Variants in KDM2B observed in about 807,000 individuals in gnomAD.
KDM2B encodes the protein lysine demethylase 2B.
A neutral mutation model predicts 150.0 loss-of-function variants in KDM2B; 26 were observed. That is an observed-to-expected ratio of 0.17 (90% CI 0.13 to 0.24). KDM2B has a LOEUF of 0.24. Among genes scored for constraint, KDM2B ranks in the 10% least tolerant of loss-of-function variants. KDM2B has a pLI of 1.00. For synonymous variants in KDM2B, 734 were observed against 729.5 expected (o/e 1.01, Z -0.10); for missense variants, 1,265 against 1,816.9 (o/e 0.70, Z 5.52).
intron 12 of KDM2B, among the ~76,000 whole-genome samples, chr12:121,458,864 G>A (rs1878688945): frequency 6.6e-6 from 1 of 151,966 alleles, no homozygotes; most frequent in Admixed American, 6.6e-5. Flanking sequence ...AAGGTGGGCA[G>A]ATCACAAGAT....
the KDM2B span, among the ~76,000 whole-genome samples, chr12:121,411,318 GT>G: frequency 6.6e-6 from 1 of 151,968 alleles, no homozygotes; most frequent in Non-Finnish European, 1.5e-5. Context: ...TCCCTTCCTT[GT>G]ATAGAAACGT....
rs1437715676 is a variant in KDM2B, at chr12:121,432,462, A to ACTC, written c.3830-1996_3830-1994dup. The stretch of plus-strand genomic sequence containing the variant: ...TGACATGTTGACCAGTTAGATTTGA[A>ACTC]CTCCTGGTCTCAAGTGATCCTCCCC... On this transcript the variant is annotated intron_variant, in intron 22 of 22. Transcript: ENST00000377071. Among the ~76,000 whole-genome samples, 10 of 152,028 alleles carry ACTC rather than the reference A, an allele frequency of 6.6e-5. No individual in the cohort carries two copies. The East Asian group carries it at 1.9e-3, about 29-fold the overall frequency.
intron 12 of KDM2B, among the ~76,000 whole-genome samples, chr12:121,488,104 C>G (rs1882970031): frequency 1.3e-5 from 2 of 152,110 alleles, no homozygotes; most frequent in South Asian, 4.1e-4. Flanking sequence ...TTAAATCAGT[C>G]CCCACTCCCA....
chr12:121,490,474 C>T (rs1181851613), intron 12 of KDM2B, among the ~76,000 whole-genome samples: 7 of 152,180 alleles, frequency 4.6e-5, no homozygotes, highest in Non-Finnish European at 8.8e-5. Flanking sequence ...CTGGGTCCTC[C>T]GTCCTTCCTC....
At chr12:121,501,917 A>T (rs1201334699) in intron 11 of KDM2B, among the ~76,000 whole-genome samples, 1 of 152,008 alleles carries the variant, frequency 6.6e-6, no homozygotes, top group Non-Finnish European at 1.5e-5. Context: ...CACCGTGCCT[A>T]GCCGAGAGTG....
Position 121,509,696 on chromosome 12 carries a change from CCA to C in KDM2B, c.1516_1517del (p.Trp506AspfsTer5). On this transcript the variant is annotated frameshift_variant, in exon 11 of 23. Transcript: ENST00000377071. LOFTEE classifies it high-confidence loss of function. Reference sequence around the variant, plus strand: ...TCAGTTCAAACTCAGTGAGATGGGTCCATTTGGCAGAGACCTCCGTGGCGGGA... The same window carrying C: ...TCAGTTCAAACTCAGTGAGATGGGTCTTTGGCAGAGACCTCCGTGGCGGGA... ...GSPATEVSAK[W>X]THLTEFELKG... 6.2e-7 allele frequency: 1 copy of C among 1,614,096 alleles called. No homozygotes were observed. Among genetic ancestry groups the C allele is most frequent in the Non-Finnish European group, 8.5e-7 (1 of 1,180,038 alleles).
At position 121,520,929 on chromosome 12, in the gene KDM2B, A is replaced by G. The variant is rs1594036320; in HGVS notation, c.1047+56T>C. ...GTATGACCTGTCCCACACACCGAGC[A>G]CCGGCAGAGCTCAGGGGCCAGGCGC... On this transcript the variant is annotated intron_variant, in intron 9 of 22. Transcript: ENST00000377071. The surrounding 1 kb of genome is among the most constrained non-coding windows in gnomAD (Gnocchi z 4.5). 7.6e-7 allele frequency: 1 copy of G among 1,315,764 alleles called. No homozygotes were observed. Among genetic ancestry groups the G allele is most frequent in the East Asian group, 2.4e-5 (1 of 41,308 alleles). 81.5% of individuals were successfully genotyped at this position (1,315,764 alleles called of 1,614,324 possible).
intron 12 of KDM2B, among the ~76,000 whole-genome samples, chr12:121,457,046 C>G (rs1448922972): frequency 2.6e-5 from 4 of 152,118 alleles, no homozygotes; most frequent in African/African-American, 9.7e-5. Context: ...TAAGACAGAC[C>G]TCGGAGGCCT....
chr12:121,488,690 C>T (rs971396434), intron 12 of KDM2B, among the ~76,000 whole-genome samples: 7 of 150,828 alleles, frequency 4.6e-5, no homozygotes, highest in Admixed American at 4.6e-4. Flanking sequence ...GGCATGATCT[C>T]AGCTCACTGA....
intron 12 of KDM2B, among the ~76,000 whole-genome samples, chr12:121,488,452 G>A (rs1883006912): frequency 6.6e-6 from 1 of 152,154 alleles, no homozygotes; most frequent in South Asian, 2.1e-4. Context: ...GAAAGGCGCT[G>A]TTAGCACCTT....
chr12:121,510,908 A>G (rs1885528431), intron 10 of KDM2B, among the ~76,000 whole-genome samples: 1 of 152,028 alleles, frequency 6.6e-6, no homozygotes, highest in African/African-American at 2.4e-5. Flanking sequence ...GGACATCTAT[A>G]GGGACAGAAA....
chr12:121,444,276 G>T lies in KDM2B; in HGVS notation c.2191-4C>A. The T allele has an allele frequency of 6.2e-7, 1 of 1,613,520 alleles. No homozygotes were observed. Among genetic ancestry groups the T allele is most frequent in the Non-Finnish European group, 8.5e-7 (1 of 1,179,806 alleles). ...TAAAGCCAGGGCCACGCTTTTGCTT[G>T]TAGGCCAAAAAGAGAGAATGAACAG... is the stretch of plus-strand genomic sequence containing the variant. On this transcript the variant is annotated splice_polypyrimidine_tract_variant and splice_region_variant and intron_variant, in intron 15 of 22. Coordinates refer to ENST00000377071, the MANE Select transcript of KDM2B (RefSeq NM_032590.5).
At chr12:121,505,476 C>T (rs1555302772) in intron 11 of KDM2B, among the ~76,000 whole-genome samples, 2 of 151,800 alleles carry the variant, frequency 1.3e-5, no homozygotes, top group African/African-American at 4.8e-5. Context: ...TCTGTCTCTA[C>T]AAAAAAGCTG....
intron 9 of KDM2B, among the ~76,000 whole-genome samples, chr12:121,519,139 C>T (rs1485231576): frequency 6.6e-6 from 1 of 152,224 alleles, no homozygotes; most frequent in East Asian, 1.9e-4. Context: ...CTCACAACAT[C>T]TGACCACTGA....
chr12:121,447,068 C>T (rs905624978), intron 13 of KDM2B, among the ~76,000 whole-genome samples: 26 of 152,206 alleles, frequency 1.7e-4, no homozygotes, highest in Non-Finnish European at 2.6e-4. Flanking sequence ...TTAAAAAAAA[C>T]TGTTGAGTTC....
chr12:121,495,355 T>G (rs1883814394), intron 11 of KDM2B, among the ~76,000 whole-genome samples: 1 of 152,176 alleles, frequency 6.6e-6, no homozygotes, highest in Admixed American at 6.6e-5. Context: ...CAGACAGGAT[T>G]TTGCCATGTT....
the KDM2B span, chr12:121,420,339 G>A: frequency 1.3e-6 from 2 of 1,558,570 alleles, no homozygotes; most frequent in Non-Finnish European, 1.7e-6. Context: ...GATCGGGTGA[G>A]GCCACCTATA....
intron 8 of KDM2B, among the ~76,000 whole-genome samples, chr12:121,526,331 T>A (rs1486493953): frequency 2.6e-5 from 4 of 151,800 alleles, no homozygotes; most frequent in Admixed American, 6.6e-5. Context: ...CCAGCCTGGG[T>A]GACAGAGCAA....
chr12:121,440,157 C>T (rs1163203065), intron 21 of KDM2B, 82 bp from the exon 22 acceptor site: 1 of 977,406 alleles, frequency 1.0e-6, no homozygotes, highest in African/African-American at 1.6e-5. Context: ...CTAAAAGGCC[C>T]ACCAGCCAGA....
Sources: gnomAD v4.1 joint callset for allele counts (sites outside exome capture counted in the v4.1 genomes callset) on GRCh38, gnomAD v4.1.1 for gene constraint, Gnocchi (gnomAD v3.1) non-coding constraint, MANE v1.5 for transcripts, NCBI Gene and HGNC (gene_info 2026-07-23, HGNC 2026-07-21) for gene names.